PARD6G: variants seen among roughly 807,000 people sequenced by gnomAD.
The protein encoded by PARD6G is partitioning defective 6 homolog gamma.
A neutral mutation model predicts 10.7 loss-of-function variants in PARD6G; 7 were observed. The observed-to-expected ratio is 0.66, with a 90% CI of 0.37 to 1.23. PARD6G has a LOEUF of 1.23. Among genes scored for constraint, PARD6G ranks in the 50% most tolerant of loss-of-function variants. The pLI, the probability that PARD6G is intolerant of heterozygous loss-of-function variation, is 0.02. For missense variants in PARD6G, 548 were observed against 571.8 expected, an observed-to-expected ratio of 0.96 and a Z score of 0.42; for synonymous variants, 287 against 269.4, an observed-to-expected ratio of 1.07 and a Z score of -0.64.
intron 1 of PARD6G, among the ~76,000 whole-genome samples, chr18:80,238,658 A>C (rs1352170017): frequency 1.3e-5 from 2 of 152,078 alleles, no homozygotes; most frequent in Admixed American, 6.6e-5. Flanking sequence ...CTGCATCTTG[A>C]CCACCAAGCC....
intron 1 of PARD6G, among the ~76,000 whole-genome samples, chr18:80,227,309 G>C (rs1403494292): frequency 6.6e-6 from 1 of 152,160 alleles, no homozygotes; most frequent in Non-Finnish European, 1.5e-5. Context: ...GGCTGACAAT[G>C]TCACAAAACA....
chr18:80,159,897 C>A lies in PARD6G; in HGVS notation c.1005G>T (p.Leu335=). ...CGCCGTCCAGGGCCAGGTCCCGCTGCAGCCGCTGCGCCAGGCCCGCGCCAT... is the reference window on the plus strand; with the variant it reads ...CGCCGTCCAGGGCCAGGTCCCGCTGAAGCCGCTGCGCCAGGCCCGCGCCAT... ...RVNGAGLAQR[L]QRDLALDGGL... Residue 335 remains leucine, a synonymous_variant, in exon 3 of 3, where the codon CTG becomes CTT. Coordinates refer to ENST00000353265, the MANE Select transcript of PARD6G (RefSeq NM_032510.4). The A allele has an allele frequency of 6.6e-7, 1 of 1,513,950 alleles. No individual in the cohort carries two copies. The highest frequency in any genetic ancestry group is 8.8e-7 in the Non-Finnish European group (1 of 1,137,476). The allele number at this position is 1,513,950 out of a possible 1,614,324, so 93.8% of individuals were successfully genotyped here. A position where few individuals can be genotyped will look rare whatever the true frequency, so the allele number is the denominator to read the frequency against.
chr18:80,195,572 T>TATGTATATATATATATATATATATATAC (rs894731117), intron 2 of PARD6G, among the ~76,000 whole-genome samples: 1 of 87,348 alleles, frequency 1.1e-5, no homozygotes, highest in African/African-American at 5.9e-5. Context: ...TATATATATA[T>TATGTATATATATATATATATATATATAC]ACACACATTT....
intron 1 of PARD6G, among the ~76,000 whole-genome samples, chr18:80,230,250 A>T (rs1004695193): frequency 6.6e-6 from 1 of 152,228 alleles, no homozygotes; most frequent in Non-Finnish European, 1.5e-5. Context: ...GCTGCCTCAG[A>T]CCTTCAAGCC....
intron 1 of PARD6G, among the ~76,000 whole-genome samples, chr18:80,224,613 C>T (rs530837126): frequency 5.3e-5 from 8 of 152,112 alleles, no homozygotes; most frequent in South Asian, 2.1e-4. Flanking sequence ...TTTGAGAGGC[C>T]GAGGCGGGCG....
chr18:80,207,799 C>A (rs1456104809), intron 1 of PARD6G, among the ~76,000 whole-genome samples: 5 of 152,058 alleles, frequency 3.3e-5, no homozygotes, highest in African/African-American at 1.2e-4. Flanking sequence ...ATTTGAACTT[C>A]AATTTATACA....
chr18:80,206,017 C>T (rs1967050655), intron 1 of PARD6G, among the ~76,000 whole-genome samples: 2 of 152,218 alleles, frequency 1.3e-5, no homozygotes, highest in Admixed American at 6.5e-5. Context: ...ACAGCATAGG[C>T]TAAATGTTAG....
At chr18:80,205,129 G>A (rs1269915371) in intron 1 of PARD6G, among the ~76,000 whole-genome samples, 3 of 152,084 alleles carry the variant, frequency 2.0e-5, no homozygotes, top group African/African-American at 7.2e-5. Context: ...AGAGGAAAGG[G>A]CTCTCCTCTA....
intron 1 of PARD6G, 25 bp from the exon 2 acceptor site, chr18:80,202,957 G>T: frequency 2.9e-5 from 9 of 312,814 alleles, no homozygotes; most frequent in Admixed American, 5.0e-5. Flanking sequence ...ACGGGGTGGG[G>T]GGAGGGGCAT....
chr18:80,246,852 GCCAGGGCCATCCCACGGCCCGGGCCC>G lies in PARD6G; in HGVS notation c.72+399_72+424del, dbSNP rs1346767247. Among the ~76,000 whole-genome samples, 1 of 152,078 alleles carries G rather than the reference GCCAGGGCCATCCCACGGCCCGGGCCC, an allele frequency of 6.6e-6. No individual in the cohort carries two copies. Among genetic ancestry groups the G allele is most frequent in the Non-Finnish European group, 1.5e-5 (1 of 67,974 alleles). The stretch of plus-strand genomic sequence containing the variant: ...CCTTTGCAGCCTTGAAGGCGCCTTG[GCCAGGGCCATCCCACGGCCCGGGCCC>G]CCAGAGCCCCCCCACGGCCCCGAAT... On this transcript the variant is annotated intron_variant, in intron 1 of 2. Coordinates refer to ENST00000353265, the MANE Select transcript of PARD6G (RefSeq NM_032510.4). This position sits in a 1 kb window ranked among gnomAD's most constrained non-coding sequence, Gnocchi z 6.7.
Position 80,175,326 on chromosome 18 carries a change from G to T in PARD6G, c.296-14720C>A, listed in dbSNP as rs1187413081. ...ACATTTATTTCTAACAGTTCTGGAG[G>T]CTGGAAAGTCCCATATCAAGGTCCG... is the stretch of plus-strand genomic sequence containing the variant. On this transcript the variant is annotated intron_variant, in intron 2 of 2. Transcript: ENST00000353265. This position sits in a 1 kb window ranked among gnomAD's most constrained non-coding sequence, Gnocchi z 6.7. 6.6e-6 allele frequency among the ~76,000 whole-genome samples: 1 copy of T among 152,174 alleles called. No homozygotes were observed. The highest frequency in any genetic ancestry group is 1.5e-5 in the Non-Finnish European group (1 of 68,038).
At chr18:80,218,182 G>C (rs1175367875) in intron 1 of PARD6G, among the ~76,000 whole-genome samples, 1 of 151,902 alleles carries the variant, frequency 6.6e-6, no homozygotes, top group Non-Finnish European at 1.5e-5. Context: ...CCTTCCAACA[G>C]TCCCCCAAAG....
intron 1 of PARD6G, among the ~76,000 whole-genome samples, chr18:80,205,543 C>T (rs1307989462): frequency 6.6e-6 from 1 of 152,156 alleles, no homozygotes; most frequent in Admixed American, 6.5e-5. Context: ...AGGTGCTGTT[C>T]TTGTGATGGT....
intron 1 of PARD6G, among the ~76,000 whole-genome samples, chr18:80,236,088 T>C (rs1353724405): frequency 2.0e-5 from 3 of 152,320 alleles, no homozygotes; most frequent in African/African-American, 7.2e-5. Context: ...TGAGCATCGA[T>C]GCAAAAACCC....
chr18:80,247,448 C>T lies in PARD6G; in HGVS notation c.-100G>A, dbSNP rs1967568668. 1.2e-6 allele frequency: 1 copy of T among 862,644 alleles called. No homozygotes were observed. The highest frequency in any genetic ancestry group is 3.9e-5 in the South Asian group (1 of 25,946). 53.4% of individuals were successfully genotyped at this position (862,644 alleles called of 1,614,324 possible). A position where few individuals can be genotyped will look rare whatever the true frequency, so the allele number is the denominator to read the frequency against. ...CCCAGGCCCCGGCCCCGGCCCCGGC[C>T]CGCGCTCGCTTGGCCGGCGGGCTGC... On this transcript the variant is annotated 5_prime_UTR_variant, in exon 1 of 3. Coordinates refer to ENST00000353265, the MANE Select transcript of PARD6G (RefSeq NM_032510.4). This position sits in a 1 kb window ranked among gnomAD's most constrained non-coding sequence, Gnocchi z 4.2.
Position 80,238,059 on chromosome 18 carries a change from G to A in PARD6G, c.72+9218C>T, listed in dbSNP as rs538599198. Among the ~76,000 whole-genome samples the A allele has an allele frequency of 7.9e-5, 12 of 152,266 alleles. No homozygotes were observed. The South Asian group carries it at 2.5e-3, about 32-fold the overall frequency. On this transcript the variant is annotated intron_variant, in intron 1 of 2. Coordinates refer to ENST00000353265, the MANE Select transcript of PARD6G (RefSeq NM_032510.4). ...AGACACATGCACACGTATGTTTACTGCGGCACTGTTCACAATAGCAAAGAC... is the reference window on the plus strand; with the variant it reads ...AGACACATGCACACGTATGTTTACTACGGCACTGTTCACAATAGCAAAGAC...
chr18:80,236,065 C>A (rs1019632362), intron 1 of PARD6G, among the ~76,000 whole-genome samples: 7 of 152,200 alleles, frequency 4.6e-5, no homozygotes, highest in African/African-American at 1.7e-4. Context: ...GAATTTTAGA[C>A]CAATATCGCT....
In PARD6G at chr18:80,158,426, AG is replaced by A. The variant is rs2052670338; in HGVS notation, c.*1344del. 3 of 152,242 alleles carry A rather than the reference AG, an allele frequency of 2.0e-5. No individual in the cohort carries two copies. The highest frequency in any genetic ancestry group is 2.0e-4 in the Admixed American group (3 of 15,288). The allele number at this position is 152,242 out of a possible 1,614,324, so 9.4% of individuals were successfully genotyped here. A position where few individuals can be genotyped will look rare whatever the true frequency, so the allele number is the denominator to read the frequency against. On this transcript the variant is annotated 3_prime_UTR_variant, in exon 3 of 3. Transcript: ENST00000353265. ...TCAGAGTCAGTCAACCCACAGGAAA[AG>A]GGTCATCTTAGAGGCAATAGAGGCT...
At chr18:80,227,791 A>G (rs2145299279) in intron 1 of PARD6G, among the ~76,000 whole-genome samples, 1 of 152,244 alleles carries the variant, frequency 6.6e-6, no homozygotes, top group South Asian at 2.1e-4. Flanking sequence ...GACCCCAGAA[A>G]GAGAAGAGCA....
Sources: allele counts gnomAD v4.1 joint callset (sites outside exome capture counted in the v4.1 genomes callset), GRCh38; gene constraint gnomAD v4.1.1; non-coding constraint Gnocchi (gnomAD v3.1); transcripts MANE v1.5; gene names NCBI Gene and HGNC (gene_info 2026-07-23, HGNC 2026-07-21).